The following WWOX variants were observed in gnomAD, a reference collection of about 807,000 sequenced individuals.
WWOX encodes WW domain-containing oxidoreductase.
Under a neutral mutation model 46.2 loss-of-function variants are expected in WWOX, and 69 were observed. The observed-to-expected ratio is 1.49, with a 90% CI of 1.23 to 1.82. The LOEUF is 1.82. Ranked by LOEUF, WWOX falls within the 40% of genes most tolerant of loss-of-function variation. The probability of loss-of-function intolerance (pLI) is 0.00; values close to 1 mark genes in which losing one functional copy is unlikely to be tolerated. For missense variants in WWOX, 919 were observed against 542.6 expected (o/e 1.69, Z -6.89); for synonymous variants, 359 against 202.6 (o/e 1.77, Z -6.56).
At chr16:78,468,200 A>T (rs2084127908) in intron 8 of WWOX, among the ~76,000 whole-genome samples, 1 of 151,250 alleles carries the variant, frequency 6.6e-6, no homozygotes. Flanking sequence ...TTCTCTGCTC[A>T]GCTTCTCTTT....
chr16:78,200,453 A>G (rs1275892059), intron 5 of WWOX, among the ~76,000 whole-genome samples: 4 of 150,594 alleles, frequency 2.7e-5, no homozygotes, highest in African/African-American at 9.8e-5. Context: ...TCTGAGCCTC[A>G]GTTTCCCAGC....
chr16:78,190,585 G>A (rs910767267), intron 5 of WWOX, among the ~76,000 whole-genome samples: 4 of 152,146 alleles, frequency 2.6e-5, no homozygotes, highest in Non-Finnish European at 5.9e-5. Context: ...ACACATATTC[G>A]TAGGGTGAGT....
intron 8 of WWOX, among the ~76,000 whole-genome samples, chr16:79,024,915 G>T (rs924357804): frequency 6.6e-6 from 1 of 152,218 alleles, no homozygotes; most frequent in African/African-American, 2.4e-5. Flanking sequence ...GGCTGGTGAA[G>T]AAACACGTGA....
intron 8 of WWOX, among the ~76,000 whole-genome samples, chr16:78,624,376 C>T (rs970021855): frequency 2.6e-5 from 4 of 152,090 alleles, no homozygotes; most frequent in African/African-American, 7.2e-5. Context: ...CTTTTATTGT[C>T]ACCTCTGAAA....
intron 8 of WWOX, among the ~76,000 whole-genome samples, chr16:78,630,239 C>G (rs1033477814): frequency 1.1e-4 from 17 of 152,304 alleles, no homozygotes; most frequent in African/African-American, 2.9e-4. Context: ...TCCTATTTTG[C>G]TCACTGTTGC....
chr16:78,425,618 A>G (rs980879022), intron 7 of WWOX, among the ~76,000 whole-genome samples: 1 of 152,214 alleles, frequency 6.6e-6, no homozygotes, highest in East Asian at 1.9e-4. Flanking sequence ...CATTAGGAGA[A>G]TATTCAATTG....
At chr16:78,943,208 A>T (rs2045885819) in intron 8 of WWOX, among the ~76,000 whole-genome samples, 1 of 152,170 alleles carries the variant, frequency 6.6e-6, no homozygotes, top group Non-Finnish European at 1.5e-5. Flanking sequence ...TGCACTTTAC[A>T]AATAACCTCT....
At chr16:78,923,793 A>AG (rs1393393678) in intron 8 of WWOX, among the ~76,000 whole-genome samples, 24 of 61,858 alleles carry the variant, frequency 3.9e-4, no homozygotes, top group Non-Finnish European at 4.0e-4. Context: ...GTTTTTAGTT[A>AG]GTTTTTTTTT....
chr16:78,187,455 T>C lies in WWOX; in HGVS notation c.516+23166T>C, dbSNP rs1261834405. 2.0e-5 allele frequency among the ~76,000 whole-genome samples: 3 copies of C among 152,090 alleles called. No individual in the cohort carries two copies. The East Asian group carries it at 5.8e-4, about 29-fold the overall frequency. On this transcript the variant is annotated intron_variant, in intron 5 of 8. Coordinates refer to ENST00000566780, the MANE Select transcript of WWOX (RefSeq NM_016373.4). ...AGTCTCTACTAAAAATACAAAAAAT[T>C]AGCTGGCCGTGGTGGTGTGCACCCG...
At chr16:78,903,235 G>T (rs1308983235) in intron 8 of WWOX, among the ~76,000 whole-genome samples, 1 of 152,178 alleles carries the variant, frequency 6.6e-6, no homozygotes, top group Non-Finnish European at 1.5e-5. Context: ...CCTGCAATCA[G>T]TCTTATTGGT....
At chr16:78,881,612 G>C (rs1567623312) in intron 8 of WWOX, among the ~76,000 whole-genome samples, 1 of 152,158 alleles carries the variant, frequency 6.6e-6, no homozygotes, top group Admixed American at 6.5e-5. Flanking sequence ...TTGATGTAAG[G>C]TATCTGTGTT....
In WWOX at chr16:79,010,460, C is replaced by G. The variant is rs556932374; in HGVS notation, c.1057-201148C>G. On this transcript the variant is annotated intron_variant, in intron 8 of 8. Coordinates refer to ENST00000566780, the MANE Select transcript of WWOX (RefSeq NM_016373.4). ...CTGCCACTGGGCAGGGCATCCCTGA[C>G]CAATCCACAGGTGATGGCGGGACAG... Among the ~76,000 whole-genome samples, 267 of 152,288 alleles carry G rather than the reference C, an allele frequency of 1.8e-3. 4 individuals carry two copies. Among genetic ancestry groups the G allele is most frequent in the African/African-American group, 5.9e-3 (247 of 41,562 alleles).
At chr16:78,788,594 A>G (rs1023509242) in intron 8 of WWOX, among the ~76,000 whole-genome samples, 3 of 152,210 alleles carry the variant, frequency 2.0e-5, no homozygotes, top group Admixed American at 2.0e-4. Flanking sequence ...GGAAAGCTCC[A>G]TGCCCCTACC....
At chr16:79,095,267 G>C (rs1020313201) in intron 8 of WWOX, among the ~76,000 whole-genome samples, 1 of 152,274 alleles carries the variant, frequency 6.6e-6, no homozygotes, top group East Asian at 1.9e-4. Context: ...AGACAGAAGA[G>C]ATGGAAAAAT....
At chr16:78,667,487 G>A (rs2047358756) in intron 8 of WWOX, among the ~76,000 whole-genome samples, 2 of 151,910 alleles carry the variant, frequency 1.3e-5, no homozygotes, top group Admixed American at 6.6e-5. Context: ...TGGTTAACAC[G>A]GTGAAACCCT....
chr16:78,187,557 C>T (rs544109038), intron 5 of WWOX, among the ~76,000 whole-genome samples: 13 of 152,268 alleles, frequency 8.5e-5, no homozygotes, highest in South Asian at 4.1e-4. Context: ...GAGCCGAGAT[C>T]GCGCCACTGC....
intron 5 of WWOX, among the ~76,000 whole-genome samples, chr16:78,311,227 T>C (rs781276197): frequency 7.9e-5 from 12 of 152,192 alleles, no homozygotes; most frequent in Non-Finnish European, 1.5e-4. Context: ...GACTGGTTGG[T>C]TTCCTATCAG....
intron 8 of WWOX, among the ~76,000 whole-genome samples, chr16:79,078,532 T>G (rs1860263825): frequency 6.6e-6 from 1 of 152,198 alleles, no homozygotes; most frequent in African/African-American, 2.4e-5. Flanking sequence ...ACTCCATTTT[T>G]AACCTTGACT....
chr16:78,631,939 A>T (rs540218128), intron 8 of WWOX, among the ~76,000 whole-genome samples: 12 of 151,318 alleles, frequency 7.9e-5, no homozygotes, highest in Admixed American at 3.9e-4. Context: ...ATGAAATGAC[A>T]GTGATTGGAG....
Sources: gnomAD v4.1 joint callset for allele counts (sites outside exome capture counted in the v4.1 genomes callset) on GRCh38, gnomAD v4.1.1 for gene constraint, MANE v1.5 for transcripts, NCBI Gene and HGNC (gene_info 2026-07-23, HGNC 2026-07-21) for gene names.